PHF2: variants seen among roughly 807,000 people sequenced by gnomAD.
PHF2 encodes the protein lysine-specific demethylase PHF2.
Under a neutral mutation model 120.5 loss-of-function variants are expected in PHF2, and 27 were observed. The ratio of observed to expected loss-of-function variants is 0.22; its 90% CI spans 0.17 to 0.31. PHF2 has a LOEUF of 0.31. Ranked by LOEUF, PHF2 falls within the 10% of genes least tolerant of loss-of-function variation. PHF2 has a pLI of 1.00. For synonymous variants in PHF2, 568 were observed against 592.5 expected (o/e 0.96, Z 0.60); for missense variants, 1,024 against 1,434.8 (o/e 0.71, Z 4.63).
chr9:93,585,741 A>T (rs60993356), intron 1 of PHF2, among the ~76,000 whole-genome samples: 2,148 of 152,314 alleles, frequency 0.014, 63 homozygotes, highest in African/African-American at 0.048. Flanking sequence ...CAGATCACTG[A>T]GATCTTATTG....
chr9:93,584,966 C>T (rs1863009392), intron 1 of PHF2, among the ~76,000 whole-genome samples: 1 of 152,178 alleles, frequency 6.6e-6, no homozygotes, highest in South Asian at 2.1e-4. Context: ...TACATTTATT[C>T]CTAGATGTTT....
intron 17 of PHF2, among the ~76,000 whole-genome samples, chr9:93,673,098 C>T (rs2118129102): frequency 6.6e-6 from 1 of 151,814 alleles, no homozygotes; most frequent in East Asian, 1.9e-4. Flanking sequence ...TGCCCCATCT[C>T]AGGGTGACAC....
At chr9:93,608,106 A>G (rs371710418) in intron 1 of PHF2, among the ~76,000 whole-genome samples, 3 of 152,098 alleles carry the variant, frequency 2.0e-5, no homozygotes, top group East Asian at 3.9e-4. Context: ...ACCTTATTGT[A>G]TTAGCTAGAA....
chr9:93,674,083 C>T (rs1826864182), intron 18 of PHF2, among the ~76,000 whole-genome samples: 2 of 152,122 alleles, frequency 1.3e-5, no homozygotes, highest in Admixed American at 6.5e-5. Flanking sequence ...GTGGGGCCTA[C>T]TCTAGTTTGA....
intron 17 of PHF2, among the ~76,000 whole-genome samples, chr9:93,669,557 A>G (rs370545926): frequency 2.8e-4 from 43 of 152,330 alleles, no homozygotes; most frequent in African/African-American, 1.0e-3. Flanking sequence ...TGTGAAACCC[A>G]AAATGCAACG....
chr9:93,596,820 G>A (rs1267544722), intron 1 of PHF2, among the ~76,000 whole-genome samples: 1 of 151,506 alleles, frequency 6.6e-6, no homozygotes, highest in Non-Finnish European at 1.5e-5. Flanking sequence ...GTGCAATGGT[G>A]CAATCTTGGC....
At chr9:93,634,038 C>T (rs149070125) in intron 2 of PHF2, among the ~76,000 whole-genome samples, 17 of 152,322 alleles carry the variant, frequency 1.1e-4, no homozygotes, top group Admixed American at 4.6e-4. Context: ...AGCCCACACT[C>T]GGTGTTCCTC....
At chr9:93,593,105 A>AAAAAAAAG (rs1554790887) in intron 1 of PHF2, among the ~76,000 whole-genome samples, 2 of 122,714 alleles carry the variant, frequency 1.6e-5, no homozygotes, top group African/African-American at 6.6e-5. Context: ...AAAAAAAAAA[A>AAAAAAAAG]AAAAAAGAAA....
rs1162888082 is a variant in PHF2, at chr9:93,676,941, AAAC to A, written c.3188_3190del (p.Asn1063del). On this transcript the variant is annotated inframe_deletion, in exon 21 of 22. Transcript: ENST00000359246. ...AGAGGCGGCCCTCCGCATCGTCTCC[AAAC>A]AACAACACCGCTGCCAAAGGTACTG... is the stretch of plus-strand genomic sequence containing the variant. 8.3e-6 allele frequency: 13 copies of A among 1,565,098 alleles called. No individual in the cohort carries two copies. Among genetic ancestry groups the A allele is most frequent in the African/African-American group, 2.7e-5 (2 of 74,018 alleles).
intron 18 of PHF2, 89 bp from the exon 19 acceptor site, chr9:93,674,838 A>G: frequency 1.2e-6 from 1 of 867,134 alleles, no homozygotes. Flanking sequence ...GCTGGCGAGG[A>G]AGGTCTGCAG....
At chr9:93,638,961 G>T (rs1011640470) in intron 3 of PHF2, among the ~76,000 whole-genome samples, 4 of 152,110 alleles carry the variant, frequency 2.6e-5, no homozygotes, top group Non-Finnish European at 5.9e-5. Flanking sequence ...CTTGTGATCT[G>T]CCCACCTCGG....
Position 93,629,976 on chromosome 9 carries a change from T to G in PHF2, c.105T>G (p.Val35=). Reference sequence around the variant, plus strand: ...CTATTTCGTCTCGTTTCAGCTGTGTTGGGGTGGAAGAGGAGGAGGCGCCCG... The same window carrying G: ...CTATTTCGTCTCGTTTCAGCTGTGTGGGGGTGGAAGAGGAGGAGGCGCCCG... ...ACKDWFHGSC[V]GVEEEEAPDI... The change falls in exon 2 of 22, where the codon GTT becomes GTG. Residue 35 remains valine, a synonymous_variant. Transcript: ENST00000359246. 1 of 1,614,088 alleles carries G rather than the reference T, an allele frequency of 6.2e-7. No individual in the cohort carries two copies. Among genetic ancestry groups the G allele is most frequent in the Non-Finnish European group, 8.5e-7 (1 of 1,179,988 alleles).
intron 4 of PHF2, among the ~76,000 whole-genome samples, chr9:93,647,606 C>G (rs112254982): frequency 8.4e-4 from 128 of 152,312 alleles, no homozygotes; most frequent in African/African-American, 2.9e-3. Context: ...AAAAGGAATT[C>G]TGATCAGGCA....
At chr9:93,611,464 A>G (rs1393862930) in intron 1 of PHF2, among the ~76,000 whole-genome samples, 3 of 152,166 alleles carry the variant, frequency 2.0e-5, no homozygotes, top group African/African-American at 7.2e-5. Context: ...AAAATTTTAA[A>G]TTAAAATAGC....
intron 1 of PHF2, among the ~76,000 whole-genome samples, chr9:93,606,200 G>A (rs1179559154): frequency 1.3e-5 from 2 of 152,054 alleles, no homozygotes; most frequent in African/African-American, 4.8e-5. Context: ...GAACTCCTGA[G>A]CTCAAGCAAT....
At chr9:93,665,223 C>T (rs10992839) in intron 14 of PHF2, among the ~76,000 whole-genome samples, 49,871 of 152,162 alleles carry the variant, frequency 0.33, 8,726 homozygotes, top group Non-Finnish European at 0.39. Context: ...GGGTCCTTTT[C>T]CGGTTAAAGA....
chr9:93,611,154 G>T (rs1825626792), intron 1 of PHF2, among the ~76,000 whole-genome samples: 1 of 152,028 alleles, frequency 6.6e-6, no homozygotes, highest in African/African-American at 2.4e-5. Flanking sequence ...GTGGCTCAAC[G>T]CCTGTAATCC....
chr9:93,588,884 C>CT (rs1185851254), intron 1 of PHF2, among the ~76,000 whole-genome samples: 1 of 152,200 alleles, frequency 6.6e-6, no homozygotes, highest in African/African-American at 2.4e-5. Flanking sequence ...GAGTGAGACT[C>CT]TGTCTCAAAA....
rs1281805385 is a variant in PHF2 at position 93,678,763 on chromosome 9, C to G, written c.*1087C>G. 6.6e-6 allele frequency: 1 copy of G among 152,628 alleles called. No individual in the cohort carries two copies. Among genetic ancestry groups the G allele is most frequent in the Non-Finnish European group, 1.5e-5 (1 of 68,160 alleles). The allele number at this position is 152,628 out of a possible 1,614,324, so 9.5% of individuals were successfully genotyped here. ...TTCTTTTTTATAAGAGTAAAAGTAT[C>G]TTTAGGAATTTCTTTCTATAGAGTT... On this transcript the variant is annotated 3_prime_UTR_variant, in exon 22 of 22. Transcript: ENST00000359246.
Sources: allele counts gnomAD v4.1 joint callset (sites outside exome capture counted in the v4.1 genomes callset), GRCh38; gene constraint gnomAD v4.1.1; transcripts MANE v1.5; gene names NCBI Gene and HGNC (gene_info 2026-07-23, HGNC 2026-07-21).